The following FSIP1 variants were observed in gnomAD, a reference collection of about 807,000 sequenced individuals.
The protein encoded by FSIP1 is fibrous sheath-interacting protein 1.
In FSIP1, 65 loss-of-function variants were observed where a neutral mutation model predicts 60.9. The observed-to-expected ratio is 1.07, with a 90% confidence interval of 0.87 to 1.31. The LOEUF is 1.31. FSIP1 is among the 40% of genes most tolerant of loss of function. FSIP1 has a pLI of 0.00. For missense variants in FSIP1, 675 were observed against 665.5 expected, an observed-to-expected ratio of 1.01 and a Z score of -0.16; for synonymous variants, 209 against 221.2, an observed-to-expected ratio of 0.94 and a Z score of 0.49.
At chr15:39,661,010 C>T (rs1445585349) in intron 10 of FSIP1, among the ~76,000 whole-genome samples, 2 of 152,136 alleles carry the variant, frequency 1.3e-5, no homozygotes, top group Non-Finnish European at 2.9e-5. Context: ...TTCAGTGAGC[C>T]AAGATCACAC....
At chr15:39,775,736 G>A (rs959819881) in intron 2 of FSIP1, among the ~76,000 whole-genome samples, 13 of 152,088 alleles carry the variant, frequency 8.5e-5, no homozygotes, top group Non-Finnish European at 1.8e-4. Context: ...CTCCAACCAT[G>A]TAGGATGTGC....
intron 10 of FSIP1, among the ~76,000 whole-genome samples, chr15:39,684,712 T>C (rs1167941932): frequency 2.0e-5 from 3 of 152,240 alleles, no homozygotes; most frequent in African/African-American, 7.2e-5. Flanking sequence ...CTTAATCAAA[T>C]ACAGTGTTAA....
chr15:39,645,833 G>A (rs919245734), intron 10 of FSIP1, among the ~76,000 whole-genome samples: 1 of 152,224 alleles, frequency 6.6e-6, no homozygotes, highest in African/African-American at 2.4e-5. Flanking sequence ...GCGGGGTTGG[G>A]GCCGAGCCCC....
chr15:39,630,518 C>T (rs542546727), intron 10 of FSIP1, among the ~76,000 whole-genome samples: 4 of 152,316 alleles, frequency 2.6e-5, no homozygotes, highest in African/African-American at 9.6e-5. Flanking sequence ...TAGTCAGTTG[C>T]ACTGGGGGTG....
intron 10 of FSIP1, among the ~76,000 whole-genome samples, chr15:39,696,454 A>G (rs888366009): frequency 6.6e-6 from 1 of 152,218 alleles, no homozygotes; most frequent in African/African-American, 2.4e-5. Context: ...TTAAACTCTG[A>G]GATTGGCAGA....
intron 10 of FSIP1, among the ~76,000 whole-genome samples, chr15:39,711,515 C>T (rs1008888196): frequency 5.3e-5 from 8 of 151,942 alleles, no homozygotes; most frequent in African/African-American, 1.9e-4. Flanking sequence ...AGGCTTAGCC[C>T]GCCTTGGATT....
chr15:39,618,966 A>C (rs1891344633), intron 10 of FSIP1, among the ~76,000 whole-genome samples: 1 of 152,162 alleles, frequency 6.6e-6, no homozygotes, highest in Admixed American at 6.5e-5. Context: ...CTACTTCCCC[A>C]AAAAATCAGT....
chr15:39,695,101 A>C (rs1303868429), intron 10 of FSIP1, among the ~76,000 whole-genome samples: 1 of 152,160 alleles, frequency 6.6e-6, no homozygotes, highest in East Asian at 1.9e-4. Context: ...TAACATTTGC[A>C]TATGCCAGCA....
At chr15:39,717,727 G>A (rs76184526) in intron 9 of FSIP1, among the ~76,000 whole-genome samples, 77 of 152,172 alleles carry the variant, frequency 5.1e-4, no homozygotes, top group African/African-American at 1.6e-3. Flanking sequence ...TAGGCACACC[G>A]AGTCCAAGGA....
chr15:39,759,233 ATAAT>A (rs1480259097), intron 5 of FSIP1, among the ~76,000 whole-genome samples: 14 of 152,132 alleles, frequency 9.2e-5, no homozygotes, highest in Non-Finnish European at 1.9e-4. Context: ...TTTGTGACAA[ATAAT>A]TAATATCCTT....
At chr15:39,759,179 A>G (rs1897402836) in intron 5 of FSIP1, among the ~76,000 whole-genome samples, 1 of 152,094 alleles carries the variant, frequency 6.6e-6, no homozygotes, top group Non-Finnish European at 1.5e-5. Context: ...TAGAGCAAGA[A>G]ATGTCACAAA....
At chr15:39,720,500 GA>G (rs1374657576) in intron 9 of FSIP1, among the ~76,000 whole-genome samples, 1 of 151,660 alleles carries the variant, frequency 6.6e-6, no homozygotes, top group Non-Finnish European at 1.5e-5. Flanking sequence ...TCCCCAACCA[GA>G]AAAAAAATCT....
intron 9 of FSIP1, among the ~76,000 whole-genome samples, chr15:39,718,189 C>T (rs1479424961): frequency 2.0e-5 from 3 of 151,882 alleles, no homozygotes; most frequent in African/African-American, 7.3e-5. Flanking sequence ...TGTTTCTTGT[C>T]AAAAACTCTA....
At chr15:39,756,050 A>G (rs544500451) in intron 5 of FSIP1, among the ~76,000 whole-genome samples, 3 of 152,130 alleles carry the variant, frequency 2.0e-5, no homozygotes, top group Non-Finnish European at 4.4e-5. Context: ...AATACTTCAG[A>G]GATCTCTAGC....
chr15:39,676,485 TTATTCCTGAAGACTGTGTGCTCTGGATA>T (rs1183927039), intron 10 of FSIP1, among the ~76,000 whole-genome samples: 1 of 152,190 alleles, frequency 6.6e-6, no homozygotes, highest in East Asian at 1.9e-4. Context: ...AATAGAATAA[TTATTCCTGAAGACTGTGTGCTCTGGATA>T]TATTCCTGAA....
intron 1 of FSIP1, among the ~76,000 whole-genome samples, chr15:39,780,143 T>G (rs1443946809): frequency 6.6e-6 from 1 of 152,194 alleles, no homozygotes; most frequent in East Asian, 1.9e-4. Flanking sequence ...TATGCAAACC[T>G]TCTATCTTTT....
intron 10 of FSIP1, among the ~76,000 whole-genome samples, chr15:39,695,752 T>C (rs773392996): frequency 8.5e-5 from 13 of 152,230 alleles, no homozygotes; most frequent in Admixed American, 2.0e-4. Flanking sequence ...ATCATGTGTG[T>C]TTGCACACAA....
At chr15:39,708,829 C>A (rs1895382715) in intron 10 of FSIP1, among the ~76,000 whole-genome samples, 1 of 152,224 alleles carries the variant, frequency 6.6e-6, no homozygotes, top group Non-Finnish European at 1.5e-5. Flanking sequence ...ACACATGCTA[C>A]TTCCAGCACC....
At chr15:39,677,729 C>A (rs1048727315) in intron 10 of FSIP1, among the ~76,000 whole-genome samples, 2 of 152,014 alleles carry the variant, frequency 1.3e-5, no homozygotes, top group African/African-American at 2.4e-5. Flanking sequence ...AGTGTGTTTA[C>A]GACCGGGCGT....
Sources: gnomAD v4.1 joint callset for allele counts (sites outside exome capture counted in the v4.1 genomes callset) on GRCh38, gnomAD v4.1.1 for gene constraint, MANE v1.5 for transcripts, NCBI Gene and HGNC (gene_info 2026-07-23, HGNC 2026-07-21) for gene names.